Variants in BFAR observed in about 807,000 individuals in gnomAD.
BFAR encodes the protein bifunctional apoptosis regulator, also known as RING finger protein 47.
In BFAR, 52 loss-of-function variants were observed where a neutral mutation model predicts 54.4. That is an observed-to-expected ratio of 0.96 (90% CI 0.77 to 1.21). BFAR has a LOEUF of 1.21. Ranked by LOEUF, BFAR falls within the 50% of genes most tolerant of loss-of-function variation. The pLI, the probability that BFAR is intolerant of heterozygous loss-of-function variation, is 0.00. For synonymous variants in BFAR, 215 were observed against 204.3 expected (o/e 1.05, Z -0.45); for missense variants, 571 against 534.0 (o/e 1.07, Z -0.68).
intron 4 of BFAR, among the ~76,000 whole-genome samples, chr16:14,654,493 CTTTTTTTTTT>C (rs55673619): frequency 2.2e-5 from 2 of 89,166 alleles, no homozygotes; most frequent in South Asian, 3.9e-4. Flanking sequence ...GTGAGTTTTC[CTTTTTTTTTT>C]TTTTTTTTTT....
rs946613027 is a variant in BFAR at position 14,666,330 on chromosome 16, G to C, written c.1160+1259G>C. On this transcript the variant is annotated intron_variant, in intron 7 of 7. Transcript: ENST00000261658. ...TCATGCCTGTAATCCTAGAACTTTG[G>C]GAGGCCAAGGCAGGTGGATCACCTG... Among the ~76,000 whole-genome samples the C allele has an allele frequency of 3.9e-5, 6 of 152,150 alleles. No homozygotes were observed. In the South Asian group the frequency reaches 8.3e-4, roughly 21 times the overall value.
chr16:14,666,504 G>A (rs960910094), intron 7 of BFAR, among the ~76,000 whole-genome samples: 2 of 152,082 alleles, frequency 1.3e-5, no homozygotes, highest in Admixed American at 1.3e-4. Flanking sequence ...TCAGAGAGGT[G>A]GAGGTTGCAG....
chr16:14,649,936 T>C lies in BFAR; in HGVS notation c.601T>C (p.Tyr201His), dbSNP rs1959919835. ...LEQLGPWASL[Y>H]RERFLSERVN... Reference sequence around the variant, plus strand: ...GCAGCTGGGCCCTTGGGCATCTCTTTACAGGGAAAGGTTTTTATCTGAACG... The same window carrying C: ...GCAGCTGGGCCCTTGGGCATCTCTTCACAGGGAAAGGTTTTTATCTGAACG... Residue 201 changes from tyrosine (Y) to histidine (H), a missense_variant, in exon 4 of 8, where the codon TAC (tyrosine) becomes CAC (histidine). Tyr to His is a moderately conservative substitution (Grantham distance 83, BLOSUM62 2). Coordinates refer to ENST00000261658, the MANE Select transcript of BFAR (RefSeq NM_016561.3). 6.2e-7 allele frequency: 1 copy of C among 1,612,958 alleles called. No homozygotes were observed. Among genetic ancestry groups the C allele is most frequent in the Non-Finnish European group, 8.5e-7 (1 of 1,179,470 alleles).
intron 4 of BFAR, 122 bp downstream of exon 4, chr16:14,650,095 A>G (rs555906352): frequency 2.2e-4 from 217 of 989,846 alleles, no homozygotes; most frequent in East Asian, 2.1e-3. Flanking sequence ...GCCGAGGCGG[A>G]TCGATCATTT....
intron 1 of BFAR, among the ~76,000 whole-genome samples, chr16:14,639,758 G>C (rs982437930): frequency 6.6e-6 from 1 of 152,164 alleles, no homozygotes; most frequent in Admixed American, 6.6e-5. Context: ...AGAAGGTCAT[G>C]TTGATTATAT....
chr16:14,661,927 C>T lies in BFAR; in HGVS notation c.819C>T (p.Tyr273=), dbSNP rs138366498. The T allele has an allele frequency of 2.8e-5, 45 of 1,614,040 alleles. No individual in the cohort carries two copies. Among genetic ancestry groups the T allele is most frequent in the African/African-American group, 4.0e-5 (3 of 74,908 alleles). Residue 273 remains tyrosine (Y), a synonymous_variant, in exon 6 of 8, where the codon TAC becomes TAT. Coordinates refer to ENST00000261658, the MANE Select transcript of BFAR (RefSeq NM_016561.3). ...VNPGRSLFLL[Y]ALKSSPRLSL... ...CAGGCAGGTCCCTGTTCCTGCTATA[C>T]GCCCTCAAGAGCTCCCCCAGGCTGA...
chr16:14,655,259 TTTG>T (rs905699206), intron 5 of BFAR, 49 bp downstream of exon 5: 2 of 1,211,812 alleles, frequency 1.7e-6, no homozygotes, highest in African/African-American at 3.2e-5. Flanking sequence ...ATTTTTATTT[TTTG>T]TTAATTTTTT....
rs1027884170 is a variant in BFAR at position 14,655,139 on chromosome 16, G to A, written c.712G>A (p.Ala238Thr). The change falls in exon 5 of 8, where the codon GCC becomes ACC. Residue 238 changes from alanine (A) to threonine (T), a missense_variant. Ala to Thr is a moderately conservative substitution (Grantham distance 58). Coordinates refer to ENST00000261658, the MANE Select transcript of BFAR (RefSeq NM_016561.3). ...CATAGAAAACAGCAGCCACAGGAGA[G>A]CCATCCTCATGGAGCTAGAACGTGT... ...YTIENSSHRR[A>T]ILMELERVKA... 5.0e-6 allele frequency: 8 copies of A among 1,612,144 alleles called. No homozygotes were observed. The East Asian group carries it at 1.6e-4, about 31-fold the overall frequency.
chr16:14,665,019 T>G lies in BFAR; in HGVS notation c.1108T>G (p.Ser370Ala). The change falls in exon 7 of 8, where the codon TCA (serine) becomes GCA (alanine). Residue 370 changes from serine (S) to alanine (A), a missense_variant. Transcript: ENST00000261658. ...TCTCATCATCAATGCTATGTTACTC[T>G]CAGTTCTGGAATTATTCTCCTTTTG... is the stretch of plus-strand genomic sequence containing the variant. ...RFLIINAMLL[S>A]VLELFSFWRI... 1.2e-6 allele frequency: 2 copies of G among 1,614,186 alleles called. No individual in the cohort carries two copies. The highest frequency in any genetic ancestry group is 1.7e-6 in the Non-Finnish European group (2 of 1,179,992).
At chr16:14,638,572 T>C (rs912349131) in intron 1 of BFAR, among the ~76,000 whole-genome samples, 38 of 152,228 alleles carry the variant, frequency 2.5e-4, no homozygotes, top group African/African-American at 8.7e-4. Flanking sequence ...TTCTTTATTT[T>C]CCCTGTGATT....
At chr16:14,635,058 G>A (rs938266742) in intron 1 of BFAR, among the ~76,000 whole-genome samples, 4 of 152,216 alleles carry the variant, frequency 2.6e-5, no homozygotes, top group Non-Finnish European at 4.4e-5. Context: ...TCCAAGGCCA[G>A]GCACGGTGGC....
In BFAR at chr16:14,644,599, A is replaced by G. The variant is rs372892824; in HGVS notation, c.253A>G (p.Ile85Val). The change falls in exon 2 of 8, where the codon ATT becomes GTT. Residue 85 changes from isoleucine (I) to valine (V), a missense_variant. Ile to Val is a conservative substitution (Grantham distance 29, BLOSUM62 3). Transcript: ENST00000261658. Reference sequence around the variant, plus strand: ...ATGGGAAGGTTTCCCCAAAGTCAGTATTCTCCTCAGGTAATGTTCAGCCTA... The same window carrying G: ...ATGGGAAGGTTTCCCCAAAGTCAGTGTTCTCCTCAGGTAATGTTCAGCCTA... The part of the protein sequence containing the change: ...EKWEGFPKVS[I>V]LLRDAIEKLF... 71 of 1,611,626 alleles carry G rather than the reference A, an allele frequency of 4.4e-5. No homozygotes were observed. Among genetic ancestry groups the G allele is most frequent in the Middle Eastern group, 1.6e-4 (1 of 6,078 alleles).
intron 6 of BFAR, 86 bp from the exon 7 acceptor site, chr16:14,664,783 A>G: frequency 7.6e-7 from 1 of 1,310,508 alleles, no homozygotes; most frequent in Non-Finnish European, 1.1e-6. Flanking sequence ...TACAGGTGTG[A>G]GCCACCGTGC....
chr16:14,633,811 C>T lies in BFAR; in HGVS notation c.-74+793C>T, dbSNP rs115091102. Among the ~76,000 whole-genome samples the T allele has an allele frequency of 9.5e-3, 1,450 of 152,232 alleles. 21 individuals carry two copies. Among genetic ancestry groups the T allele is most frequent in the African/African-American group, 0.033 (1,380 of 41,540 alleles). On this transcript the variant is annotated intron_variant, in intron 1 of 7. Coordinates refer to ENST00000261658, the MANE Select transcript of BFAR (RefSeq NM_016561.3). Reference sequence around the variant, plus strand: ...GGGATTACGGGCCCGCGTAACCACGCCCGGCTGATTTTTGTATTTTTAGTA... The same window carrying T: ...GGGATTACGGGCCCGCGTAACCACGTCCGGCTGATTTTTGTATTTTTAGTA...
chr16:14,639,628 C>A (rs1959560857), intron 1 of BFAR, among the ~76,000 whole-genome samples: 1 of 152,132 alleles, frequency 6.6e-6, no homozygotes, highest in South Asian at 2.1e-4. Context: ...AGGCCAGAAA[C>A]AAGTTCTTTA....
Position 14,667,676 on chromosome 16 carries a change from C to G in BFAR, c.1202C>G (p.Ser401Ter), listed in dbSNP as rs1490485639. 6.2e-7 allele frequency: 1 copy of G among 1,614,192 alleles called. No homozygotes were observed. Among genetic ancestry groups the G allele is most frequent in the Non-Finnish European group, 8.5e-7 (1 of 1,180,038 alleles). The change falls in exon 8 of 8, where the codon TCA becomes TGA. Residue 401 changes from serine (S) to a stop codon, truncating the protein, a stop_gained. Coordinates refer to ENST00000261658, the MANE Select transcript of BFAR (RefSeq NM_016561.3). LOFTEE classifies it high-confidence loss of function. Reference sequence around the variant, plus strand: ...ATGTGGAGCCATTTCTGGAAAGTATCAACGCAGGGGCTTTTTGTGGCCATG... The same window carrying G: ...ATGTGGAGCCATTTCTGGAAAGTATGAACGCAGGGGCTTTTTGTGGCCATG... ...QRMWSHFWKV[S>*]TQGLFVAMFW...
intron 3 of BFAR, 45 bp from the exon 4 acceptor site, chr16:14,649,759 A>T: frequency 2.0e-6 from 3 of 1,510,208 alleles, no homozygotes; most frequent in Non-Finnish European, 2.7e-6. Context: ...AGAAACTGGC[A>T]TCTCTGCCTC....
intron 4 of BFAR, among the ~76,000 whole-genome samples, chr16:14,654,493 CTTTTTTTTTTTTTTT>C (rs55673619): frequency 3.4e-5 from 3 of 89,140 alleles, no homozygotes; most frequent in South Asian, 3.9e-4. Context: ...GTGAGTTTTC[CTTTTTTTTTTTTTTT>C]TTTTTTTTTT....
chr16:14,648,718 C>A, intron 3 of BFAR, 126 bp downstream of exon 3: 1 of 703,100 alleles, frequency 1.4e-6, no homozygotes, highest in Non-Finnish European at 2.4e-6. Context: ...TAATTTACTA[C>A]GTACATTGAA....
Sources: allele counts gnomAD v4.1 joint callset (sites outside exome capture counted in the v4.1 genomes callset), GRCh38; gene constraint gnomAD v4.1.1; transcripts MANE v1.5; gene names NCBI Gene and HGNC (gene_info 2026-07-23, HGNC 2026-07-21).